Variants in ZZEF1 observed in about 807,000 individuals in gnomAD.
ZZEF1 encodes the protein zinc finger ZZ-type and EF-hand domain containing 1, also known as zinc finger ZZ-type and EF-hand domain-containing protein 1.
ZZEF1 carries 157 observed loss-of-function variants against 342.8 expected under a neutral mutation model. That is an observed-to-expected ratio of 0.46 (90% CI 0.40 to 0.52). The LOEUF is 0.52. ZZEF1 is among the 20% of genes least tolerant of loss of function. ZZEF1 has a pLI of 0.00. For synonymous variants in ZZEF1, 1,505 were observed against 1,429.1 expected (o/e 1.05, Z -1.20); for missense variants, 3,480 against 3,725.6 (o/e 0.93, Z 1.72).
At chr17:4,117,298 T>G in intron 2 of ZZEF1, 132 bp from the exon 3 acceptor site, 1 of 699,886 alleles carries the variant, frequency 1.4e-6, no homozygotes, top group Non-Finnish European at 2.3e-6. Flanking sequence ...TTTTCAGTTT[T>G]AATTGTTAAA....
In ZZEF1 at chr17:4,016,460, G is replaced by A; in HGVS notation, c.8008C>T (p.Gln2670Ter). The A allele has an allele frequency of 6.2e-7, 1 of 1,609,382 alleles. No homozygotes were observed. The highest frequency in any genetic ancestry group is 8.5e-7 in the Non-Finnish European group (1 of 1,179,046). ...EEKHEWEKIL[Q>*]KVLQGCREDM... is the part of the protein sequence containing the mutation. ...TCTCGGCAGCCCTGGAGCACTTTCT[G>A]CAGGATCTGGTGGGAAGCAGACAGA... Residue 2670 changes from glutamine (Q) to a stop codon, truncating the protein, a stop_gained, in exon 49 of 55, where the codon CAG (glutamine) becomes TAG (stop). Transcript: ENST00000381638. LOFTEE classifies it high-confidence loss of function. The surrounding 1 kb of genome is among the most constrained non-coding windows in gnomAD (Gnocchi z 4.4).
chr17:4,052,920 A>G (rs951734647), intron 34 of ZZEF1, among the ~76,000 whole-genome samples: 13 of 152,238 alleles, frequency 8.5e-5, no homozygotes, highest in Admixed American at 3.3e-4. Context: ...GTGAGAGAGA[A>G]TAACAGTCAG....
chr17:4,087,340 T>TA (rs199811380), intron 14 of ZZEF1, 94 bp downstream of exon 14: 4,117 of 854,826 alleles, frequency 4.8e-3, no homozygotes, highest in Non-Finnish European at 5.7e-3. Context: ...TGGTAGGAAG[T>TA]AAAAAAAAAA....
chr17:4,032,011 T>C lies in ZZEF1; in HGVS notation c.6892+115A>G, dbSNP rs2056559441. 6.1e-6 allele frequency: 7 copies of C among 1,154,572 alleles called. No individual in the cohort carries two copies. In the East Asian group the frequency reaches 7.4e-5, roughly 12 times the overall value. The allele number at this position is 1,154,572 out of a possible 1,614,324, so 71.5% of individuals were successfully genotyped here. The stretch of plus-strand genomic sequence containing the variant: ...AAGAAGCTCGGGGAGCTATAACTTG[T>C]TCTTTAAAAAAATCACACGCAGGCC... On this transcript the variant is annotated intron_variant, in intron 42 of 54. Coordinates refer to ENST00000381638, the MANE Select transcript of ZZEF1 (RefSeq NM_015113.4).
intron 43 of ZZEF1, 31 bp downstream of exon 43, chr17:4,024,888 T>C (rs2056367587): frequency 6.2e-7 from 1 of 1,604,982 alleles, no homozygotes; most frequent in Non-Finnish European, 8.5e-7. Flanking sequence ...TATAGCCAGA[T>C]CCACTGCCAA....
At position 4,102,894 on chromosome 17, in the gene ZZEF1, A is replaced by AT. The variant is rs552839076; in HGVS notation, c.1574-480_1574-479insA. Among the ~76,000 whole-genome samples the AT allele has an allele frequency of 6.3e-4, 96 of 152,198 alleles. No homozygotes were observed. The East Asian group carries it at 0.014, about 22-fold the overall frequency. Reference sequence around the variant, plus strand: ...AGAACACTTGGCTTTGGCAAAAAAAAATATATATTTATATATACATATAAA... The same window carrying AT: ...AGAACACTTGGCTTTGGCAAAAAAAATATATATATTTATATATACATATAAA... On this transcript the variant is annotated intron_variant, in intron 8 of 54. Coordinates refer to ENST00000381638, the MANE Select transcript of ZZEF1 (RefSeq NM_015113.4).
At chr17:4,137,756 A>G (rs2058776393) in intron 1 of ZZEF1, among the ~76,000 whole-genome samples, 1 of 152,222 alleles carries the variant, frequency 6.6e-6, no homozygotes, top group Admixed American at 6.5e-5. Context: ...CTAGTTGCAC[A>G]GCAAGGCCAG....
chr17:4,026,282 T>A (rs2145013905), intron 42 of ZZEF1, among the ~76,000 whole-genome samples: 1 of 152,202 alleles, frequency 6.6e-6, no homozygotes, highest in South Asian at 2.1e-4. Context: ...AATATTTGAA[T>A]ACATAATGGT....
chr17:4,112,033 AAT>A (rs57925351), intron 5 of ZZEF1, among the ~76,000 whole-genome samples: 29 of 54,382 alleles, frequency 5.3e-4, no homozygotes, highest in South Asian at 7.0e-4. Context: ...ATCCTGTCTA[AAT>A]ATATATATAT....
chr17:4,079,414 AT>A lies in ZZEF1; in HGVS notation c.2830-1373del, dbSNP rs1301133529. ...CCAGAAGAAAGGGAAGGTATGGGAA[AT>A]GCAGAAATAAGGATGGAGATTCGAA... On this transcript the variant is annotated intron_variant, in intron 18 of 54. Transcript: ENST00000381638. 3.3e-5 allele frequency among the ~76,000 whole-genome samples: 5 copies of A among 152,320 alleles called. No individual in the cohort carries two copies. In the South Asian group the frequency reaches 1.0e-3, roughly 32 times the overall value.
At chr17:4,128,217 G>A (rs966395035) in intron 1 of ZZEF1, among the ~76,000 whole-genome samples, 5 of 151,680 alleles carry the variant, frequency 3.3e-5, no homozygotes, top group Admixed American at 6.6e-5. Flanking sequence ...GTGTGGTGGC[G>A]CGTGCATGTA....
intron 11 of ZZEF1, among the ~76,000 whole-genome samples, chr17:4,091,420 T>C (rs1419181585): frequency 6.6e-6 from 1 of 152,258 alleles, no homozygotes; most frequent in East Asian, 1.9e-4. Context: ...CTCTTCTTTT[T>C]AAGAGAATGT....
At chr17:4,022,624 C>G (rs768590115) in intron 44 of ZZEF1, 85 bp downstream of exon 44, 1 of 1,593,178 alleles carries the variant, frequency 6.3e-7, no homozygotes, top group Non-Finnish European at 8.6e-7. Context: ...AGGGCAGAAG[C>G]AGCTGGAACT....
intron 11 of ZZEF1, among the ~76,000 whole-genome samples, chr17:4,092,220 A>G (rs2727073): frequency 0.92 from 138,922 of 151,674 alleles, 64,905 homozygotes; most frequent in East Asian, 1. Flanking sequence ...TATTTTATAT[A>G]GGTAAAACTA....
chr17:4,080,754 G>A (rs184112576), intron 18 of ZZEF1, among the ~76,000 whole-genome samples: 1 of 152,104 alleles, frequency 6.6e-6, no homozygotes, highest in Non-Finnish European at 1.5e-5. Flanking sequence ...ACATATCTGT[G>A]TGTTGGGCTC....
chr17:4,074,009 T>C, intron 24 of ZZEF1, 141 bp downstream of exon 24: 1 of 976,520 alleles, frequency 1.0e-6, no homozygotes, highest in Non-Finnish European at 1.5e-6. Context: ...GTGGACACTT[T>C]ATTCTTTCGG....
In ZZEF1 at chr17:4,104,702, T is replaced by G. The variant is rs371811654; in HGVS notation, c.1504A>C (p.Thr502Pro). The change falls in exon 8 of 55, where the codon ACG becomes CCG. Residue 502 changes from threonine (T) to proline (P), a missense_variant. Thr to Pro is a conservative substitution (Grantham distance 38). This residue lies in a region of ZZEF1 where 1,528 missense variants were observed against 1,624.1 expected (regional missense o/e 0.94). Transcript: ENST00000381638. ...ATGAGGGATGAGGCATCATACTGCG[T>G]GTCCAGATGGTCAGTGATGGTGCAT... ...SLCTITDHLD[T>P]QYDASSLILS... 56 of 1,614,064 alleles carry G rather than the reference T, an allele frequency of 3.5e-5. No individual in the cohort carries two copies. Among genetic ancestry groups the G allele is most frequent in the Admixed American group, 6.7e-5 (4 of 60,004 alleles).
Position 4,066,756 on chromosome 17 carries a change from T to C in ZZEF1, c.4156-216A>G, listed in dbSNP as rs78220873. Among the ~76,000 whole-genome samples, 1,353 of 152,120 alleles carry C rather than the reference T, an allele frequency of 8.9e-3. 13 individuals carry two copies. Among genetic ancestry groups the C allele is most frequent in the Admixed American group, 0.016 (247 of 15,290 alleles). On this transcript the variant is annotated intron_variant, in intron 27 of 54. Transcript: ENST00000381638. ...TTCTCTAAAGCCTATCTAGTACTGA[T>C]AAAGAAGAAGCTGAGATCTAGAGAA...
Position 4,017,940 on chromosome 17 carries a change from T to C in ZZEF1, c.7537A>G (p.Arg2513Gly). 6.2e-7 allele frequency: 1 copy of C among 1,614,032 alleles called. No individual in the cohort carries two copies. Among genetic ancestry groups the C allele is most frequent in the Non-Finnish European group, 8.5e-7 (1 of 1,180,032 alleles). The change falls in exon 47 of 55, where the codon AGG becomes GGG. Residue 2513 changes from arginine (R) to glycine (G), a missense_variant. By Grantham distance (125) the Arg-to-Gly change is moderately radical (BLOSUM62 -2). Coordinates refer to ENST00000381638, the MANE Select transcript of ZZEF1 (RefSeq NM_015113.4). This position sits in a 1 kb window ranked among gnomAD's most constrained non-coding sequence, Gnocchi z 5.1. ...CACCGCTGAGCCAGGGACCGTATCC[T>C]TTCATCTGTGGTGAGCTCATCACCA... ...FDGDELTTDE[R>G]IRSLAQRWQP...
Sources: allele counts gnomAD v4.1 joint callset (sites outside exome capture counted in the v4.1 genomes callset), GRCh38; gene constraint gnomAD v4.1.1; regional missense constraint gnomAD v4.1.1; non-coding constraint Gnocchi (gnomAD v3.1); transcripts MANE v1.5; gene names NCBI Gene and HGNC (gene_info 2026-07-23, HGNC 2026-07-21).